Variants in LRRC37A2 observed in about 807,000 individuals in gnomAD.
The protein encoded by LRRC37A2 is leucine-rich repeat-containing protein 37A2.
In LRRC37A2, 9 loss-of-function variants were observed where a neutral mutation model predicts 68.8. The ratio of observed to expected loss-of-function variants is 0.13; its 90% CI spans 0.08 to 0.23. LRRC37A2 has a LOEUF of 0.23. LRRC37A2 is among the 10% of genes least tolerant of loss of function. The probability of loss-of-function intolerance (pLI) is 1.00; values close to 1 mark genes in which losing one functional copy is unlikely to be tolerated. For synonymous variants in LRRC37A2, 63 were observed against 367.6 expected, an observed-to-expected ratio of 0.17 and a Z score of 9.48; for missense variants, 168 against 950.4, an observed-to-expected ratio of 0.18 and a Z score of 10.82.
the LRRC37A2 span, among the ~76,000 whole-genome samples, chr17:46,980,696 G>A: frequency 1.5e-4 from 18 of 118,762 alleles, no homozygotes; most frequent in Non-Finnish European, 3.3e-4. Flanking sequence ...AGCCGGGCGT[G>A]GTGGCGGGCG....
chr17:46,935,433 A>C, the LRRC37A2 span: 1 of 1,418,812 alleles, frequency 7.0e-7, no homozygotes, highest in African/African-American at 1.4e-5. Context: ...TGAACTTATC[A>C]TGAAAGTGAG....
At chr17:46,957,914 A>G in the LRRC37A2 span, among the ~76,000 whole-genome samples, 1 of 152,184 alleles carries the variant, frequency 6.6e-6, no homozygotes, top group Non-Finnish European at 1.5e-5. Context: ...TGCAGCAGGG[A>G]TCAGTGTGCC....
At chr17:46,942,008 T>G in the LRRC37A2 span, 1 of 953,186 alleles carries the variant, frequency 1.0e-6, no homozygotes, top group Non-Finnish European at 1.2e-6. Context: ...AAATTCTTAC[T>G]GTTTATATCC....
At chr17:46,890,550 A>C in the LRRC37A2 span, among the ~76,000 whole-genome samples, 10 of 152,102 alleles carry the variant, frequency 6.6e-5, no homozygotes, top group Non-Finnish European at 1.3e-4. Flanking sequence ...ACATTTGGTC[A>C]CTCCATTTGA....
chr17:46,896,446 GAAAGAAAA>G, the LRRC37A2 span, among the ~76,000 whole-genome samples: 1 of 86,474 alleles, frequency 1.2e-5, no homozygotes, highest in African/African-American at 8.8e-5. Context: ...AAGAAAGAAA[GAAAGAAAA>G]AGAAAGAAAG....
At chr17:47,041,480 C>T in the LRRC37A2 span, among the ~76,000 whole-genome samples, 1 of 81,326 alleles carries the variant, frequency 1.2e-5, no homozygotes, top group Non-Finnish European at 2.3e-5. Flanking sequence ...TTTTTTGAGA[C>T]AGAGTCTCAC....
the LRRC37A2 span, among the ~76,000 whole-genome samples, chr17:46,733,416 T>C: frequency 6.6e-6 from 1 of 152,118 alleles, no homozygotes; most frequent in Non-Finnish European, 1.5e-5. Flanking sequence ...AATGACATGA[T>C]TCCCCAGTTT....
At chr17:46,769,274 C>A in the LRRC37A2 span, among the ~76,000 whole-genome samples, 1 of 149,142 alleles carries the variant, frequency 6.7e-6, no homozygotes, top group Non-Finnish European at 1.5e-5. Flanking sequence ...CAAGATCCAG[C>A]CACTGCACTC....
the LRRC37A2 span, chr17:46,722,206 A>G: frequency 3.2e-5 from 49 of 1,541,832 alleles, no homozygotes; most frequent in South Asian, 5.5e-4. Context: ...CTGCTTAGGA[A>G]GAGACCCAAA....
At chr17:46,810,050 AG>A in the LRRC37A2 span, among the ~76,000 whole-genome samples, 2 of 132,530 alleles carry the variant, frequency 1.5e-5, no homozygotes, top group Non-Finnish European at 3.1e-5. Flanking sequence ...CTTGTTGCCC[AG>A]GCTGGAAGGC....
the LRRC37A2 span, among the ~76,000 whole-genome samples, chr17:46,782,836 C>T: frequency 6.6e-6 from 1 of 152,202 alleles, no homozygotes; most frequent in Non-Finnish European, 1.5e-5. Flanking sequence ...GCCACTGTTC[C>T]TCGCCCTCCT....
chr17:46,769,765 G>T, the LRRC37A2 span: 2 of 1,608,154 alleles, frequency 1.2e-6, no homozygotes, highest in Non-Finnish European at 8.5e-7. Context: ...AGGGTTTGGG[G>T]AGGGTAGCCG....
At chr17:46,769,708 T>C in the LRRC37A2 span, 1 of 1,580,304 alleles carries the variant, frequency 6.3e-7, no homozygotes, top group South Asian at 1.1e-5. Context: ...AGGGGTGAGG[T>C]GGGGGCCAGG....
chr17:46,774,265 G>A, the LRRC37A2 span, among the ~76,000 whole-genome samples: 1 of 152,254 alleles, frequency 6.6e-6, no homozygotes, highest in Non-Finnish European at 1.5e-5. Context: ...CTTCCCTGAT[G>A]GGCATTGAAG....
At chr17:47,049,003 T>C in the LRRC37A2 span, 1 of 506,386 alleles carries the variant, frequency 2.0e-6, no homozygotes, top group Non-Finnish European at 3.6e-6. Context: ...TCCAAGTAGA[T>C]GGCCGTGTTT....
At chr17:47,009,435 G>A in the LRRC37A2 span, among the ~76,000 whole-genome samples, 1 of 152,206 alleles carries the variant, frequency 6.6e-6, no homozygotes, top group Non-Finnish European at 1.5e-5. Context: ...TCTACCCAGA[G>A]CTCATGTTTG....
At chr17:46,870,904 CTT>C in the LRRC37A2 span, among the ~76,000 whole-genome samples, 903 of 78,380 alleles carry the variant, frequency 0.012, 6 homozygotes, top group African/African-American at 0.028. Flanking sequence ...TCCACCTTTG[CTT>C]TTTTTTTTTT....
chr17:46,888,996 C>T, the LRRC37A2 span, among the ~76,000 whole-genome samples: 4 of 152,078 alleles, frequency 2.6e-5, no homozygotes, highest in African/African-American at 9.7e-5. Flanking sequence ...TGCCTCTTAG[C>T]CCCTTACTGA....
chr17:46,502,224 G>A, the LRRC37A2 span, among the ~76,000 whole-genome samples: 6 of 150,976 alleles, frequency 4.0e-5, no homozygotes, highest in Non-Finnish European at 8.8e-5. Context: ...GAGAGGAGAG[G>A]GCATTCATAT....
Sources: allele counts gnomAD v4.1 joint callset (sites outside exome capture counted in the v4.1 genomes callset), GRCh38; gene constraint gnomAD v4.1.1; transcripts MANE v1.5; gene names NCBI Gene and HGNC (gene_info 2026-07-23, HGNC 2026-07-21).